Variants in BCAR3 observed in about 807,000 individuals in gnomAD.
The protein encoded by BCAR3 is BCAR3 adaptor protein, NSP family member.
BCAR3 carries 37 observed loss-of-function variants against 80.1 expected under a neutral mutation model. That is an observed-to-expected ratio of 0.46 (90% CI 0.36 to 0.61). The LOEUF is 0.61. BCAR3 is among the 20% of genes least tolerant of loss of function. The pLI is 0.00. For missense variants in BCAR3, 978 were observed against 1,068.2 expected (o/e 0.92, Z 1.18); for synonymous variants, 389 against 418.9 (o/e 0.93, Z 0.87).
chr1:93,621,970 C>G (rs1675329486), intron 3 of BCAR3, among the ~76,000 whole-genome samples: 1 of 152,244 alleles, frequency 6.6e-6, no homozygotes, highest in Non-Finnish European at 1.5e-5. Flanking sequence ...CTCCCGGGTT[C>G]AAGTGATTCT....
At position 93,714,990 on chromosome 1, in the gene BCAR3, C is replaced by A. The variant is rs561607791; in HGVS notation, c.-62-8848G>T. On this transcript the variant is annotated intron_variant, in intron 2 of 13. Transcript: ENST00000370244. ...TCTCTGCATACTCTCCTCTGGGTAC[C>A]TTTCCTAAGGGTCAGTGACAAAACC... is the stretch of plus-strand genomic sequence containing the variant. 3.4e-4 allele frequency among the ~76,000 whole-genome samples: 52 copies of A among 152,246 alleles called. No homozygotes were observed. In the South Asian group the frequency reaches 1.0e-2, roughly 29 times the overall value.
At chr1:93,734,095 T>C (rs1269762398) in intron 2 of BCAR3, among the ~76,000 whole-genome samples, 1 of 152,164 alleles carries the variant, frequency 6.6e-6, no homozygotes, top group African/African-American at 2.4e-5. Flanking sequence ...ATAATACACA[T>C]TCGTAATTAC....
chr1:93,789,884 T>C (rs1653082231), intron 2 of BCAR3, among the ~76,000 whole-genome samples: 1 of 152,160 alleles, frequency 6.6e-6, no homozygotes, highest in Non-Finnish European at 1.5e-5. Context: ...GCACAGTCAG[T>C]CATACTGGTG....
chr1:93,564,606 A>G (rs1241358807), intron 11 of BCAR3, among the ~76,000 whole-genome samples: 2 of 152,148 alleles, frequency 1.3e-5, no homozygotes, highest in Admixed American at 1.3e-4. Context: ...TTAAGGGCAC[A>G]AAGAATTTCT....
At chr1:93,718,870 ATTT>A (rs879576578) in intron 2 of BCAR3, among the ~76,000 whole-genome samples, 2 of 130,010 alleles carry the variant, frequency 1.5e-5, no homozygotes, top group Non-Finnish European at 1.7e-5. Context: ...TAATTTTTGT[ATTT>A]TTTTTTTTTT....
intron 3 of BCAR3, chr1:93,613,713 A>G: frequency 1.8e-6 from 2 of 1,096,384 alleles, no homozygotes; most frequent in Non-Finnish European, 2.6e-6. Context: ...TTGAAGACCC[A>G]TCAGTCAAAG....
chr1:93,715,020 C>T (rs1650151167), intron 2 of BCAR3, among the ~76,000 whole-genome samples: 1 of 152,168 alleles, frequency 6.6e-6, no homozygotes, highest in Non-Finnish European at 1.5e-5. Context: ...AAAACCTGTA[C>T]AGAATATTCA....
At chr1:93,724,795 T>G (rs1403284986) in intron 2 of BCAR3, among the ~76,000 whole-genome samples, 1 of 152,214 alleles carries the variant, frequency 6.6e-6, no homozygotes, top group African/African-American at 2.4e-5. Flanking sequence ...GCCACTGGTA[T>G]CTGAATAGGA....
chr1:93,631,731 T>C (rs1475482734), intron 3 of BCAR3, among the ~76,000 whole-genome samples: 1 of 152,238 alleles, frequency 6.6e-6, no homozygotes, highest in African/African-American at 2.4e-5. Context: ...TCAAGGCTGA[T>C]GCCTGCAGCA....
chr1:93,734,923 A>G (rs1650923781), intron 2 of BCAR3, among the ~76,000 whole-genome samples: 1 of 152,180 alleles, frequency 6.6e-6, no homozygotes, highest in African/African-American at 2.4e-5. Context: ...CCTCACTCCC[A>G]GACTAGGTTA....
intron 2 of BCAR3, among the ~76,000 whole-genome samples, chr1:93,728,083 G>A (rs760439449): frequency 2.0e-5 from 3 of 152,252 alleles, no homozygotes; most frequent in Non-Finnish European, 4.4e-5. Flanking sequence ...CCTCCAGAGG[G>A]AGTGTATCCC....
At chr1:93,667,716 G>C (rs1309567848) in intron 2 of BCAR3, among the ~76,000 whole-genome samples, 1 of 152,184 alleles carries the variant, frequency 6.6e-6, no homozygotes, top group Admixed American at 6.5e-5. Flanking sequence ...TCTAAGAAGA[G>C]AGCTTGAAAT....
At chr1:93,590,584 C>G (rs958312001) in intron 4 of BCAR3, among the ~76,000 whole-genome samples, 11 of 152,136 alleles carry the variant, frequency 7.2e-5, no homozygotes, top group Non-Finnish European at 1.3e-4. Context: ...GTGATAGTAT[C>G]GGTTTTATAA....
chr1:93,690,290 T>C (rs943683744), intron 3 of BCAR3, among the ~76,000 whole-genome samples: 1 of 152,258 alleles, frequency 6.6e-6, no homozygotes, highest in Admixed American at 6.5e-5. Flanking sequence ...TTCATGTTAT[T>C]CTAAACTGAC....
chr1:93,835,130 C>T (rs969836619), intron 2 of BCAR3, among the ~76,000 whole-genome samples: 4 of 152,192 alleles, frequency 2.6e-5, no homozygotes, highest in African/African-American at 9.7e-5. Flanking sequence ...AAAGGGACTA[C>T]ACATCAACAT....
intron 3 of BCAR3, among the ~76,000 whole-genome samples, chr1:93,616,337 A>G (rs1202721522): frequency 1.3e-5 from 2 of 152,250 alleles, no homozygotes; most frequent in East Asian, 3.8e-4. Flanking sequence ...GAAACGGTCA[A>G]GGAGAGAGAC....
At chr1:93,808,390 C>A (rs1416977180) in intron 2 of BCAR3, among the ~76,000 whole-genome samples, 2 of 152,098 alleles carry the variant, frequency 1.3e-5, no homozygotes, top group Non-Finnish European at 2.9e-5. Flanking sequence ...ATTTTATACC[C>A]AGCCAATTTA....
chr1:93,744,922 T>G lies in BCAR3; in HGVS notation c.-62-38780A>C, dbSNP rs375404894. On this transcript the variant is annotated intron_variant, in intron 2 of 13. Coordinates refer to the BCAR3 transcript ENST00000370244. ...CAGTTTCTCTTTCCCCTTCCAGGCC[T>G]TCTCTAATTTTACTTTGAGCTGGGC... Among the ~76,000 whole-genome samples the G allele has an allele frequency of 2.4e-4, 37 of 152,346 alleles. 3 individuals are homozygous for G. Among genetic ancestry groups the G allele is most frequent in the Admixed American group, 1.2e-3 (19 of 15,312 alleles).
intron 2 of BCAR3, among the ~76,000 whole-genome samples, chr1:93,719,043 G>T (rs1165796204): frequency 1.3e-5 from 2 of 151,998 alleles, no homozygotes; most frequent in Admixed American, 6.6e-5. Flanking sequence ...CTGGATGATG[G>T]TGCCTCACAT....
Sources: gnomAD v4.1 joint callset for allele counts (sites outside exome capture counted in the v4.1 genomes callset) on GRCh38, gnomAD v4.1.1 for gene constraint, MANE v1.5 for transcripts, NCBI Gene and HGNC (gene_info 2026-07-23, HGNC 2026-07-21) for gene names.